ZNF550: variants seen among roughly 807,000 people sequenced by gnomAD.
The protein encoded by ZNF550 is zinc finger protein 550.
In ZNF550, 42 loss-of-function variants were observed where a neutral mutation model predicts 40.2. That is an observed-to-expected ratio of 1.05 (90% CI 0.82 to 1.35). The LOEUF (loss-of-function observed/expected upper bound fraction) is 1.35. Among genes scored for constraint, ZNF550 ranks in the 40% most tolerant of loss-of-function variants. The pLI is 0.00. For synonymous variants in ZNF550, 223 were observed against 198.6 expected (o/e 1.12, Z -1.03); for missense variants, 549 against 525.2 (o/e 1.05, Z -0.44).
At chr19:57,561,339 A>C (rs1337587067), upstream of ZNF550, among the ~76,000 whole-genome samples, 2 of 152,218 alleles carry the variant, frequency 1.3e-5, no homozygotes, top group Non-Finnish European at 2.9e-5. The surrounding 1 kb of genome is among the most constrained non-coding windows in gnomAD (Gnocchi z 4.9). Flanking sequence ...TTTTGTTCTC[A>C]GGAGTAAACC....
chr19:57,555,549 G>C (rs1179400757), intron 2 of ZNF550: 2 of 153,608 alleles, frequency 1.3e-5, no homozygotes, highest in African/African-American at 4.8e-5. Flanking sequence ...ATCTTGGCCA[G>C]GTTGGTATTG....
intron 2 of ZNF550, chr19:57,555,250 C>T (rs2090109272): frequency 6.6e-6 from 1 of 152,186 alleles, no homozygotes; most frequent in African/African-American, 2.4e-5. Flanking sequence ...TTTCTTAGGG[C>T]TAAGTTGGAG....
chr19:57,554,596 G>C lies in ZNF550; in HGVS notation c.154+1635C>G, dbSNP rs977131612. ...AGATGTGGTGAGTAAAAGACAGGAG[G>C]ATTCTGTATAGAAGACCAATGACTG... On this transcript the variant is annotated intron_variant, in intron 2 of 4. Coordinates refer to ENST00000457177, the Ensembl canonical transcript of ZNF550. The surrounding 1 kb of genome is among the most constrained non-coding windows in gnomAD (Gnocchi z 4.5). The C allele has an allele frequency of 1.1e-4, 17 of 152,216 alleles. No individual in the cohort carries two copies. Among genetic ancestry groups the C allele is most frequent in the African/African-American group, 3.4e-4 (14 of 41,446 alleles). 9.4% of individuals were successfully genotyped at this position (152,216 alleles called of 1,614,324 possible). A position where few individuals can be genotyped will look rare whatever the true frequency, so the allele number is the denominator to read the frequency against.
intron 4 of ZNF550, chr19:57,544,575 C>T: frequency 1.0e-6 from 1 of 985,338 alleles, no homozygotes; most frequent in Non-Finnish European, 1.2e-6. Context: ...GGAAACTGTG[C>T]ACTCTGTCCT....
Position 57,549,543 on chromosome 19 carries a change from T to C in ZNF550, c.251-1550A>G, listed in dbSNP as rs1394743973. Among the ~76,000 whole-genome samples the C allele has an allele frequency of 1.3e-5, 2 of 152,102 alleles. 1 individual carries two copies. Among genetic ancestry groups the C allele is most frequent in the African/African-American group, 4.8e-5 (2 of 41,402 alleles). On this transcript the variant is annotated intron_variant, in intron 3 of 4. Transcript: ENST00000457177. ...TGAGACTGGAAAGAAAAAGAGATCA[T>C]GGAAGGCTTTCTAGAGGAGGTGTCC...
chr19:57,558,835 CAT>C (rs1300242236), intron 1 of ZNF550, among the ~76,000 whole-genome samples: 1 of 152,186 alleles, frequency 6.6e-6, no homozygotes, highest in Non-Finnish European at 1.5e-5. Context: ...CCCTGGGCCT[CAT>C]GTGTTATCTC....
At chr19:57,542,161 T>C (rs886823140) in exon 5 of ZNF550, 3 of 151,776 alleles carry the variant, frequency 2.0e-5, no homozygotes, top group African/African-American at 7.3e-5. Flanking sequence ...ATACCAGATA[T>C]ATTCTATATC....
chr19:57,548,586 G>A (rs1164463327), intron 3 of ZNF550, among the ~76,000 whole-genome samples: 1 of 152,162 alleles, frequency 6.6e-6, no homozygotes, highest in Non-Finnish European at 1.5e-5. Context: ...ACAAATGGTG[G>A]CAAGGATGTG....
At chr19:57,547,619 C>A (rs771957702) in exon 4 of ZNF550, 1 of 1,614,174 alleles carries the variant, frequency 6.2e-7, no homozygotes, top group East Asian at 2.2e-5. Context: ...AAACCTTTCC[C>A]ACACTGCTTG....
chr19:57,549,258 T>C (rs765729949), intron 3 of ZNF550, among the ~76,000 whole-genome samples: 7 of 152,184 alleles, frequency 4.6e-5, no homozygotes, highest in Non-Finnish European at 7.3e-5. Context: ...ATTGTATGCC[T>C]ATATTAAAAT....
intron 4 of ZNF550, among the ~76,000 whole-genome samples, chr19:57,546,159 T>A (rs1277396807): frequency 2.6e-5 from 4 of 152,162 alleles, no homozygotes; most frequent in East Asian, 1.9e-4. Context: ...CACATGAAGA[T>A]GTTCTCAGTA....
intron 1 of ZNF550, 120 bp from the exon 2 acceptor site, chr19:57,556,477 T>C: frequency 7.6e-7 from 1 of 1,320,526 alleles, no homozygotes; most frequent in Non-Finnish European, 1.0e-6. Flanking sequence ...TAGGTCTCCT[T>C]TGGGCTGACT....
chr19:57,554,001 C>G lies in ZNF550; in HGVS notation c.155-1279G>C, dbSNP rs894290114. ...AACCAGCCTGGCCAACATGGTGAAA[C>G]CCCGTCTCTACCAAAAATATAAAAA... On this transcript the variant is annotated intron_variant, in intron 2 of 4. Coordinates refer to ENST00000457177, the Ensembl canonical transcript of ZNF550. This position sits in a 1 kb window ranked among gnomAD's most constrained non-coding sequence, Gnocchi z 4.5. 1.3e-5 allele frequency: 2 copies of G among 152,260 alleles called. No homozygotes were observed. Among genetic ancestry groups the G allele is most frequent in the Non-Finnish European group, 2.9e-5 (2 of 68,210 alleles). The allele number at this position is 152,260 out of a possible 1,614,324, so 9.4% of individuals were successfully genotyped here.
intron 3 of ZNF550, among the ~76,000 whole-genome samples, chr19:57,548,329 G>A (rs2090043000): frequency 6.6e-6 from 1 of 152,114 alleles, no homozygotes. Context: ...ACATCCATCT[G>A]ACAAGGGATT....
At chr19:57,555,843 G>A (rs1431095846) in intron 2 of ZNF550, 1 of 269,718 alleles carries the variant, frequency 3.7e-6, no homozygotes, top group Non-Finnish European at 7.3e-6. Flanking sequence ...AGATTGTATT[G>A]CTTAGGAAGA....
upstream of ZNF550, among the ~76,000 whole-genome samples, chr19:57,560,462 A>T (rs778669351): frequency 1.4e-4 from 21 of 152,184 alleles, no homozygotes; most frequent in Non-Finnish European, 2.8e-4. Flanking sequence ...GAATGCAGGG[A>T]TGAGTCAAAA....
chr19:57,547,900 G>T (rs754496017), exon 4 of ZNF550: 3 of 1,614,126 alleles, frequency 1.9e-6, no homozygotes, highest in Non-Finnish European at 2.5e-6. Flanking sequence ...TGAGGTTGAA[G>T]ATTCCAGAGT....
At chr19:57,553,918 GT>G (rs1355392014) in intron 2 of ZNF550, 40 of 152,102 alleles carry the variant, frequency 2.6e-4, no homozygotes, top group African/African-American at 8.9e-4. Flanking sequence ...GGCTCATGCT[GT>G]AATCCCAGCA....
chr19:57,560,117 A>C (rs1017101289), upstream of ZNF550, among the ~76,000 whole-genome samples: 1 of 152,216 alleles, frequency 6.6e-6, no homozygotes, highest in African/African-American at 2.4e-5. Context: ...CCAGGCACCC[A>C]GGTAAACGAG....
Sources: allele counts gnomAD v4.1 joint callset (sites outside exome capture counted in the v4.1 genomes callset), GRCh38; gene constraint gnomAD v4.1.1; non-coding constraint Gnocchi (gnomAD v3.1); transcripts MANE v1.5; gene names NCBI Gene and HGNC (gene_info 2026-07-23, HGNC 2026-07-21).